Variants in KCNJ2 observed in about 807,000 individuals in gnomAD.
The protein encoded by KCNJ2 is potassium inwardly rectifying channel subfamily J member 2.
In KCNJ2, 12 loss-of-function variants were observed where a neutral mutation model predicts 28.4. The ratio of observed to expected loss-of-function variants is 0.42; its 90% CI spans 0.27 to 0.68. The LOEUF (loss-of-function observed/expected upper bound fraction) is 0.68, where lower values mean the gene tolerates loss of function less well. KCNJ2 is among the 30% of genes least tolerant of loss of function. KCNJ2 has a pLI of 0.23. For missense variants in KCNJ2, 320 were observed against 551.3 expected (o/e 0.58, Z 4.20); for synonymous variants, 200 against 203.2 (o/e 0.98, Z 0.13).
rs965985845 is a variant in KCNJ2, at chr17:70,176,418, G to A, written c.*95G>A. ...TACAGATGACGGTACTGGTCAAGAT[G>A]GGTCAAGCAAGCGGCCACAAGGGAC... On this transcript the variant is annotated 3_prime_UTR_variant, in exon 2 of 2. Coordinates refer to ENST00000243457, the MANE Select transcript of KCNJ2 (RefSeq NM_000891.3). The A allele has an allele frequency of 4.2e-6, 5 of 1,188,152 alleles. No homozygotes were observed. The South Asian group carries it at 6.2e-5, about 15-fold the overall frequency. 73.6% of individuals were successfully genotyped at this position (1,188,152 alleles called of 1,614,324 possible). A position where few individuals can be genotyped will look rare whatever the true frequency, so the allele number is the denominator to read the frequency against.
In KCNJ2 at chr17:70,179,194, A is replaced by G. The variant is rs2074413808; in HGVS notation, c.*2871A>G. ...TTGACTGGGTCTCCTTAATTAATGT[A>G]CACATGTCATTAGAATGCAGACGGA... On this transcript the variant is annotated 3_prime_UTR_variant, in exon 2 of 2. Transcript: ENST00000243457. 6.2e-6 allele frequency: 1 copy of G among 161,494 alleles called. No homozygotes were observed. The highest frequency in any genetic ancestry group is 2.5e-5 in the African/African-American group (1 of 39,918). 10.0% of individuals were successfully genotyped at this position (161,494 alleles called of 1,614,324 possible). A position where few individuals can be genotyped will look rare whatever the true frequency, so the allele number is the denominator to read the frequency against.
rs564383347 is a variant in KCNJ2 at position 70,179,772 on chromosome 17, G to C, written c.*3449G>C. ...TCACTCTGTGTCTAATAATGTTAAG[G>C]TGGGAAAAAAAAAAGTGTGGCATAG... On this transcript the variant is annotated 3_prime_UTR_variant, in exon 2 of 2. Transcript: ENST00000243457. 2 of 166,752 alleles carry C rather than the reference G, an allele frequency of 1.2e-5. No individual in the cohort carries two copies. The highest frequency in any genetic ancestry group is 4.8e-5 in the African/African-American group (2 of 41,450). 10.3% of individuals were successfully genotyped at this position (166,752 alleles called of 1,614,324 possible).
At position 70,172,198 on chromosome 17, in the gene KCNJ2, C is replaced by T. The variant is rs1445079439; in HGVS notation, c.-217+2497C>T. On this transcript the variant is annotated intron_variant, in intron 1 of 1. Transcript: ENST00000243457. ...AACCTTGACAGGTTCTAGACTTTAG[C>T]TATGTAATCAGCTCCACAAAAAGTC... 4.7e-5 allele frequency among the ~76,000 whole-genome samples: 7 copies of T among 150,024 alleles called. No individual in the cohort carries two copies. In the South Asian group the frequency reaches 1.5e-3, roughly 31 times the overall value.
At chr17:70,173,729 C>T (rs528270954) in intron 1 of KCNJ2, among the ~76,000 whole-genome samples, 105 of 152,272 alleles carry the variant, frequency 6.9e-4, no homozygotes, top group Middle Eastern at 3.4e-3. Flanking sequence ...TGAAAGTAAG[C>T]GGACTGGCAT....
intron 1 of KCNJ2, among the ~76,000 whole-genome samples, chr17:70,172,068 A>G (rs2074367727): frequency 6.6e-6 from 1 of 152,052 alleles, no homozygotes; most frequent in Non-Finnish European, 1.5e-5. Flanking sequence ...TAGTGAGAGG[A>G]CCGGGCAAGG....
At chr17:70,174,393 G>A (rs1034378999) in intron 1 of KCNJ2, among the ~76,000 whole-genome samples, 2 of 152,184 alleles carry the variant, frequency 1.3e-5, no homozygotes, top group Non-Finnish European at 2.9e-5. Context: ...GCGTCCACGT[G>A]AAGTTTTCTA....
chr17:70,179,140 G>A lies in KCNJ2; in HGVS notation c.*2817G>A, dbSNP rs1412989301. 7 of 124,582 alleles carry A rather than the reference G, an allele frequency of 5.6e-5. No individual in the cohort carries two copies. Among genetic ancestry groups the A allele is most frequent in the Non-Finnish European group, 1.1e-4 (7 of 61,042 alleles). The allele number at this position is 124,582 out of a possible 1,614,324, so 7.7% of individuals were successfully genotyped here. A position where few individuals can be genotyped will look rare whatever the true frequency, so the allele number is the denominator to read the frequency against. On this transcript the variant is annotated 3_prime_UTR_variant, in exon 2 of 2. Coordinates refer to ENST00000243457, the MANE Select transcript of KCNJ2 (RefSeq NM_000891.3). The stretch of plus-strand genomic sequence containing the variant: ...CAGGTAATGCACGACATTGATTGCT[G>A]CATTTTACCTTCAAAATATTTGTCC...
At chr17:70,171,064 G>A (rs1050793139) in intron 1 of KCNJ2, among the ~76,000 whole-genome samples, 2 of 152,174 alleles carry the variant, frequency 1.3e-5, no homozygotes, top group East Asian at 1.9e-4. Context: ...TGACTTTTGC[G>A]TAGCCTGAAA....
rs773778900 is a variant in KCNJ2 at position 70,179,213 on chromosome 17, A to G, written c.*2890A>G. The G allele has an allele frequency of 1.2e-5, 2 of 166,368 alleles. No individual in the cohort carries two copies. Among genetic ancestry groups the G allele is most frequent in the Non-Finnish European group, 1.5e-5 (1 of 68,046 alleles). 10.3% of individuals were successfully genotyped at this position (166,368 alleles called of 1,614,324 possible). A position where few individuals can be genotyped will look rare whatever the true frequency, so the allele number is the denominator to read the frequency against. On this transcript the variant is annotated 3_prime_UTR_variant, in exon 2 of 2. Transcript: ENST00000243457. The stretch of plus-strand genomic sequence containing the variant: ...TAATGTACACATGTCATTAGAATGC[A>G]GACGGAGGGGACTCACCATGAATAT...
Position 70,177,447 on chromosome 17 carries a change from G to C in KCNJ2, c.*1124G>C, listed in dbSNP as rs1322520851. 5 of 167,076 alleles carry C rather than the reference G, an allele frequency of 3.0e-5. No individual in the cohort carries two copies. The Admixed American group carries it at 3.3e-4, about 11-fold the overall frequency. 10.3% of individuals were successfully genotyped at this position (167,076 alleles called of 1,614,324 possible). The stretch of plus-strand genomic sequence containing the variant: ...GACAAGATCTTCATAGGACCTCCTT[G>C]GCATCCTGGCATTCTCAAAACTGAG... On this transcript the variant is annotated 3_prime_UTR_variant, in exon 2 of 2. Coordinates refer to ENST00000243457, the MANE Select transcript of KCNJ2 (RefSeq NM_000891.3).
At chr17:70,170,870 C>T (rs1222639154) in intron 1 of KCNJ2, among the ~76,000 whole-genome samples, 1 of 152,212 alleles carries the variant, frequency 6.6e-6, no homozygotes, top group Non-Finnish European at 1.5e-5. Flanking sequence ...GGCCATTTTA[C>T]TTAGCTTCCT....
chr17:70,174,777 T>C (rs2074382247), intron 1 of KCNJ2, 47 bp from the exon 2 acceptor site: 2 of 541,578 alleles, frequency 3.7e-6, no homozygotes, highest in Non-Finnish European at 3.3e-6. Context: ...AGTAGAATTC[T>C]TTAAGAGTGG....
At chr17:70,173,151 G>C (rs905596399) in intron 1 of KCNJ2, among the ~76,000 whole-genome samples, 4 of 152,178 alleles carry the variant, frequency 2.6e-5, no homozygotes, top group African/African-American at 9.7e-5. Flanking sequence ...GCACATTCTT[G>C]CATAATAACT....
Position 70,179,664 on chromosome 17 carries a change from A to G in KCNJ2, c.*3341A>G, listed in dbSNP as rs1346381058. On this transcript the variant is annotated 3_prime_UTR_variant, in exon 2 of 2. Transcript: ENST00000243457. ...TCCCGTAAATCATATTTCCCTTACA[A>G]TTAATAAATGTCACTTCATATTTTA... is the stretch of plus-strand genomic sequence containing the variant. The G allele has an allele frequency of 1.2e-5, 2 of 166,372 alleles. No individual in the cohort carries two copies. 10.3% of individuals were successfully genotyped at this position (166,372 alleles called of 1,614,324 possible). A position where few individuals can be genotyped will look rare whatever the true frequency, so the allele number is the denominator to read the frequency against.
rs1555603994 is a variant in KCNJ2 at position 70,175,958 on chromosome 17, A to G, written c.919A>G (p.Met307Val). 1 of 1,614,114 alleles carries G rather than the reference A, an allele frequency of 6.2e-7. No individual in the cohort carries two copies. Among genetic ancestry groups the G allele is most frequent in the Non-Finnish European group, 8.5e-7 (1 of 1,180,014 alleles). Residue 307 changes from methionine to valine, a missense_variant, in exon 2 of 2, where the codon ATG becomes GTG. Met to Val is a conservative substitution (Grantham distance 21). This residue lies in a region of KCNJ2 where 155 missense variants were observed against 231.6 expected (regional missense o/e 0.67). Coordinates refer to ENST00000243457, the MANE Select transcript of KCNJ2 (RefSeq NM_000891.3). The surrounding 1 kb of genome is among the most constrained non-coding windows in gnomAD (Gnocchi z 8.3). ...ILEGMVEATA[M>V]TTQCRSSYLA... ...GGAAGGCATGGTGGAAGCCACTGCC[A>G]TGACGACACAGTGCCGTAGCTCTTA... is the stretch of plus-strand genomic sequence containing the variant.
At chr17:70,173,780 C>T (rs1180839151) in intron 1 of KCNJ2, among the ~76,000 whole-genome samples, 1 of 152,184 alleles carries the variant, frequency 6.6e-6, no homozygotes, top group African/African-American at 2.4e-5. Flanking sequence ...TCTGAGAGAA[C>T]ACAGCACTGG....
chr17:70,172,444 A>G lies in KCNJ2; in HGVS notation c.-216-2380A>G, dbSNP rs564592544. ...TATTAGCAATGGAAATAAGACAATA[A>G]TAGTCTCTCAATACAGGCTACTTTC... On this transcript the variant is annotated intron_variant, in intron 1 of 1. Coordinates refer to ENST00000243457, the MANE Select transcript of KCNJ2 (RefSeq NM_000891.3). 4.6e-4 allele frequency among the ~76,000 whole-genome samples: 70 copies of G among 152,290 alleles called. 1 individual carries two copies. The highest frequency in any genetic ancestry group is 1.5e-3 in the South Asian group (7 of 4,824).
chr17:70,172,255 A>G (rs547719829), intron 1 of KCNJ2, among the ~76,000 whole-genome samples: 2 of 149,188 alleles, frequency 1.3e-5, no homozygotes, highest in Non-Finnish European at 3.0e-5. Flanking sequence ...ACCTGCATAC[A>G]CACATAAATC....
rs2074414731 is a variant in KCNJ2, at chr17:70,179,366, G to T, written c.*3043G>T. The T allele has an allele frequency of 6.0e-6, 1 of 166,692 alleles. No individual in the cohort carries two copies. The highest frequency in any genetic ancestry group is 1.5e-5 in the Non-Finnish European group (1 of 68,028). 10.3% of individuals were successfully genotyped at this position (166,692 alleles called of 1,614,324 possible). A position where few individuals can be genotyped will look rare whatever the true frequency, so the allele number is the denominator to read the frequency against. On this transcript the variant is annotated 3_prime_UTR_variant, in exon 2 of 2. Transcript: ENST00000243457. Reference sequence around the variant, plus strand: ...TGGAAGGGCACTATATTTTTGGGAGGAGCCATAGATTCCTGGTTATCCTAT... The same window carrying T: ...TGGAAGGGCACTATATTTTTGGGAGTAGCCATAGATTCCTGGTTATCCTAT...
Sources: gnomAD v4.1 joint callset for allele counts (sites outside exome capture counted in the v4.1 genomes callset) on GRCh38, gnomAD v4.1.1 for gene constraint, gnomAD v4.1.1 regional missense constraint, Gnocchi (gnomAD v3.1) non-coding constraint, MANE v1.5 for transcripts, NCBI Gene and HGNC (gene_info 2026-07-23, HGNC 2026-07-21) for gene names.